Variants in RCAN3 observed in about 807,000 individuals in gnomAD.
RCAN3 encodes the protein calcipressin-3.
A neutral mutation model predicts 21.9 loss-of-function variants in RCAN3; 19 were observed. That is an observed-to-expected ratio of 0.87 (90% CI 0.61 to 1.27). RCAN3 has a LOEUF of 1.27. Among genes scored for constraint, RCAN3 ranks in the 50% most tolerant of loss-of-function variants. RCAN3 has a pLI of 0.00. For synonymous variants in RCAN3, 114 were observed against 112.3 expected (o/e 1.01, Z -0.09); for missense variants, 240 against 300.1 (o/e 0.80, Z 1.48).
At chr1:24,527,641 A>C (rs1020533213) in intron 2 of RCAN3, among the ~76,000 whole-genome samples, 1 of 152,208 alleles carries the variant, frequency 6.6e-6, no homozygotes, top group African/African-American at 2.4e-5. Context: ...TTTGCACTTC[A>C]GGATCAACAG....
At chr1:24,509,311 C>T (rs559161635) in intron 1 of RCAN3, among the ~76,000 whole-genome samples, 42 of 152,298 alleles carry the variant, frequency 2.8e-4, no homozygotes, top group Admixed American at 8.5e-4. Flanking sequence ...CAGCATTTCA[C>T]GAAAGATTTC....
In RCAN3 at chr1:24,537,399, T is replaced by A. The variant is rs1390634786; in HGVS notation, c.*2122T>A. On this transcript the variant is annotated 3_prime_UTR_variant, in exon 5 of 5. Transcript: ENST00000374395. ...CTAGTATAATATAATAAAATGAATT[T>A]TTTTAAAAAAGCTACTAAGTACCCA... is the stretch of plus-strand genomic sequence containing the variant. The A allele has an allele frequency of 6.6e-6, 1 of 152,098 alleles. No homozygotes were observed. The highest frequency in any genetic ancestry group is 1.5e-5 in the Non-Finnish European group (1 of 68,026). 9.4% of individuals were successfully genotyped at this position (152,098 alleles called of 1,614,324 possible).
intron 4 of RCAN3, 99 bp downstream of exon 4, chr1:24,533,353 G>C: frequency 1.0e-6 from 1 of 996,922 alleles, no homozygotes; most frequent in Non-Finnish European, 1.4e-6. Flanking sequence ...TTAGAGCAGA[G>C]GATAAAGTCA....
rs1454608499 is a variant in RCAN3, at chr1:24,540,091, C to A, written c.*4814C>A. Reference sequence around the variant, plus strand: ...GTATGGATCATCTTCGTCAGAATGCCGTTGTTTCATTGTGAATCAGGGGAA... The same window carrying A: ...GTATGGATCATCTTCGTCAGAATGCAGTTGTTTCATTGTGAATCAGGGGAA... On this transcript the variant is annotated 3_prime_UTR_variant, in exon 5 of 5. Transcript: ENST00000374395. 13 of 152,162 alleles carry A rather than the reference C, an allele frequency of 8.5e-5. No individual in the cohort carries two copies. Among genetic ancestry groups the A allele is most frequent in the Non-Finnish European group, 1.9e-4 (13 of 68,028 alleles). 9.4% of individuals were successfully genotyped at this position (152,162 alleles called of 1,614,324 possible). A position where few individuals can be genotyped will look rare whatever the true frequency, so the allele number is the denominator to read the frequency against.
At chr1:24,514,868 C>T (rs142314698) in intron 2 of RCAN3, among the ~76,000 whole-genome samples, 3,836 of 151,728 alleles carry the variant, frequency 0.025, 69 homozygotes, top group African/African-American at 0.046. Context: ...ACTCGCAGGG[C>T]TGAGGCAGGA....
chr1:24,513,555 G>A lies in RCAN3; in HGVS notation c.-59-759G>A, dbSNP rs191023863. Among the ~76,000 whole-genome samples the A allele has an allele frequency of 3.0e-3, 455 of 152,072 alleles. 1 individual carries two copies. Among genetic ancestry groups the A allele is most frequent in the African/African-American group, 0.01 (431 of 41,476 alleles). The stretch of plus-strand genomic sequence containing the variant: ...ATGGTGGTACACGCCTGTAGTGGAG[G>A]CTGAGGCATGAAAATCGCTTGAACC... On this transcript the variant is annotated intron_variant, in intron 1 of 4. Coordinates refer to ENST00000374395, the MANE Select transcript of RCAN3 (RefSeq NM_013441.4).
rs196429 is a variant in RCAN3 at position 24,533,127 on chromosome 1, G to A, written c.414G>A (p.Pro138=). ...GEVRDKSYLL[P]PQPVKQFLIS... is the part of the protein sequence containing the mutation. ...TGCGGGACAAGTCCTATCTCCTGCC[G>A]CCCCAGCCTGTCAAGCAGTTCCTCA... The change falls in exon 4 of 5, where the codon CCG becomes CCA. Residue 138 remains proline, a synonymous_variant. Coordinates refer to ENST00000374395, the MANE Select transcript of RCAN3 (RefSeq NM_013441.4). 0.33 allele frequency: 522,175 copies of A among 1,572,508 alleles called. 90,509 individuals are homozygous for A. Among genetic ancestry groups the A allele is most frequent in the East Asian group, 0.67 (28,750 of 42,752 alleles).
chr1:24,534,896 C>A (rs1650102299), intron 4 of RCAN3, among the ~76,000 whole-genome samples, 197 bp from the exon 5 acceptor site: 1 of 152,164 alleles, frequency 6.6e-6, no homozygotes, highest in Non-Finnish European at 1.5e-5. Flanking sequence ...AGTACTGAAA[C>A]AACATTTTAT....
Position 24,531,202 on chromosome 1 carries a change from T to C in RCAN3, c.196-16T>C. 1 of 1,478,902 alleles carries C rather than the reference T, an allele frequency of 6.8e-7. No individual in the cohort carries two copies. The highest frequency in any genetic ancestry group is 2.4e-5 in the East Asian group (1 of 42,226). 91.6% of individuals were successfully genotyped at this position (1,478,902 alleles called of 1,614,324 possible). ...TTTCCTCCCCTTCCCTTTGCCTTGC[T>C]GCTCCTTAATTGTAGGAAAGATTTG... On this transcript the variant is annotated splice_polypyrimidine_tract_variant and intron_variant, in intron 2 of 4. Transcript: ENST00000374395.
intron 2 of RCAN3, among the ~76,000 whole-genome samples, chr1:24,528,439 CAT>C (rs1649456538): frequency 1.3e-5 from 2 of 152,048 alleles, no homozygotes; most frequent in Non-Finnish European, 2.9e-5. Flanking sequence ...ATTATACACA[CAT>C]GTATTCTTTT....
intron 2 of RCAN3, among the ~76,000 whole-genome samples, chr1:24,527,260 C>T (rs1649353776): frequency 6.6e-6 from 1 of 152,136 alleles, no homozygotes; most frequent in Admixed American, 6.6e-5. Context: ...GCCTCTGCCT[C>T]CCAAAGTGTT....
At chr1:24,508,073 C>T (rs555391548) in intron 1 of RCAN3, among the ~76,000 whole-genome samples, 14 of 151,886 alleles carry the variant, frequency 9.2e-5, no homozygotes, top group Non-Finnish European at 1.9e-4. Context: ...GCCGAGACTG[C>T]GCCACTGCAC....
At position 24,540,889 on chromosome 1, in the gene RCAN3, T is replaced by TTA. The variant is rs1485988556; in HGVS notation, c.*5613_*5614dup. The TTA allele has an allele frequency of 1.3e-5, 2 of 152,236 alleles. No homozygotes were observed. The highest frequency in any genetic ancestry group is 2.9e-5 in the Non-Finnish European group (2 of 68,042). 9.4% of individuals were successfully genotyped at this position (152,236 alleles called of 1,614,324 possible). On this transcript the variant is annotated 3_prime_UTR_variant, in exon 5 of 5. Coordinates refer to ENST00000374395, the MANE Select transcript of RCAN3 (RefSeq NM_013441.4). ...TGTAGTAGTTTGTTATTTGTCAACT[T>TTA]TACCCTGTGTTTTAAGGACATCTAA... is the stretch of plus-strand genomic sequence containing the variant.
In RCAN3 at chr1:24,514,585, C is replaced by T. The variant is rs965584228; in HGVS notation, c.195+18C>T. On this transcript the variant is annotated intron_variant, in intron 2 of 4. Transcript: ENST00000374395. Reference sequence around the variant, plus strand: ...AGCAGAAGGTAGGCATCTATCCTCCCTTTCCCTACATTTGTAGCATGTTAA... The same window carrying T: ...AGCAGAAGGTAGGCATCTATCCTCCTTTTCCCTACATTTGTAGCATGTTAA... 6.2e-7 allele frequency: 1 copy of T among 1,607,526 alleles called. No homozygotes were observed. The highest frequency in any genetic ancestry group is 8.5e-7 in the Non-Finnish European group (1 of 1,175,828).
intron 3 of RCAN3, 149 bp from the exon 4 acceptor site, chr1:24,532,934 G>C (rs1038550640): frequency 5.1e-6 from 3 of 583,564 alleles, no homozygotes; most frequent in Non-Finnish European, 7.1e-6. Context: ...GGGCGACAAA[G>C]TGAGACTCCG....
chr1:24,523,722 A>G (rs1570469825), intron 2 of RCAN3, among the ~76,000 whole-genome samples: 1 of 151,140 alleles, frequency 6.6e-6, no homozygotes, highest in Admixed American at 6.6e-5. Flanking sequence ...GCCCACTGCA[A>G]CCTCCCCTTC....
intron 2 of RCAN3, among the ~76,000 whole-genome samples, chr1:24,521,861 CA>C (rs1268593488): frequency 8.1e-6 from 1 of 123,156 alleles, no homozygotes; most frequent in East Asian, 2.4e-4. Flanking sequence ...AACAAACAAA[CA>C]AAAAAAATTT....
intron 2 of RCAN3, among the ~76,000 whole-genome samples, chr1:24,518,517 T>C (rs1648526268): frequency 6.6e-6 from 1 of 152,234 alleles, no homozygotes; most frequent in Non-Finnish European, 1.5e-5. Flanking sequence ...TGCTTCATTT[T>C]TCTTTGACAG....
Position 24,535,264 on chromosome 1 carries a change from A to G in RCAN3, c.713A>G (p.Asp238Gly). 6.5e-7 allele frequency: 1 copy of G among 1,545,586 alleles called. No individual in the cohort carries two copies. Among genetic ancestry groups the G allele is most frequent in the Middle Eastern group, 1.7e-4 (1 of 5,758 alleles). Reference sequence around the variant, plus strand: ...GCGTTGAATGAGCCCCAGACCTTTGATTGCGCGCTGTGAGGCCCTTGGTTG... The same window carrying G: ...GCGTTGAATGAGCCCCAGACCTTTGGTTGCGCGCTGTGAGGCCCTTGGTTG... The part of the protein sequence containing the change: ...TAALNEPQTF[D>G]CAL The change falls in exon 5 of 5, where the codon GAT becomes GGT. Residue 238 changes from aspartate (D) to glycine (G), a missense_variant. By Grantham distance (94) the Asp-to-Gly change is moderately conservative. Coordinates refer to ENST00000374395, the MANE Select transcript of RCAN3 (RefSeq NM_013441.4).
Sources: allele counts gnomAD v4.1 joint callset (sites outside exome capture counted in the v4.1 genomes callset), GRCh38; gene constraint gnomAD v4.1.1; transcripts MANE v1.5; gene names NCBI Gene and HGNC (gene_info 2026-07-23, HGNC 2026-07-21).